MRPS9: variants seen among roughly 807,000 people sequenced by gnomAD.
The protein encoded by MRPS9 is small ribosomal subunit protein uS9m.
MRPS9 carries 45 observed loss-of-function variants against 59.9 expected under a neutral mutation model. The ratio of observed to expected loss-of-function variants is 0.75; its 90% CI spans 0.59 to 0.96. The LOEUF (loss-of-function observed/expected upper bound fraction) is 0.96. Ranked by LOEUF, MRPS9 falls within the 40% of genes least tolerant of loss-of-function variation. MRPS9 has a pLI of 0.00. For synonymous variants in MRPS9, 171 were observed against 166.8 expected, an observed-to-expected ratio of 1.03 and a Z score of -0.19; for missense variants, 473 against 481.1, an observed-to-expected ratio of 0.98 and a Z score of 0.16.
intron 5 of MRPS9, among the ~76,000 whole-genome samples, chr2:105,086,187 T>C (rs1243227609): frequency 6.6e-6 from 1 of 152,224 alleles, no homozygotes; most frequent in East Asian, 1.9e-4. Flanking sequence ...GTACTTTACA[T>C]ATATTTTCCT....
intron 2 of MRPS9, among the ~76,000 whole-genome samples, chr2:105,050,906 T>C (rs986059698): frequency 1.3e-5 from 2 of 152,202 alleles, no homozygotes; most frequent in African/African-American, 2.4e-5. Context: ...TTTATCTACA[T>C]TGTGGCATGT....
chr2:105,052,027 C>T (rs1245772467), intron 2 of MRPS9, among the ~76,000 whole-genome samples: 1 of 152,064 alleles, frequency 6.6e-6, no homozygotes, highest in African/African-American at 2.4e-5. Flanking sequence ...CCCAAAGAAT[C>T]CACTAAAAAC....
chr2:105,092,886 T>C (rs532626379), intron 8 of MRPS9, among the ~76,000 whole-genome samples: 1 of 152,318 alleles, frequency 6.6e-6, no homozygotes, highest in African/African-American at 2.4e-5. Context: ...TAATAAAGTT[T>C]TCTTTGCAAA....
At chr2:105,052,960 A>C (rs1679738730) in intron 2 of MRPS9, among the ~76,000 whole-genome samples, 1 of 152,050 alleles carries the variant, frequency 6.6e-6, no homozygotes, top group Admixed American at 6.6e-5. Flanking sequence ...AGGTCTTGCT[A>C]TTTTGTTGGC....
intron 2 of MRPS9, among the ~76,000 whole-genome samples, chr2:105,062,064 AG>A (rs1485212127): frequency 6.6e-6 from 1 of 152,200 alleles, no homozygotes; most frequent in Non-Finnish European, 1.5e-5. Flanking sequence ...ACAGACTACA[AG>A]AAGTCTGATT....
chr2:105,089,192 A>C, intron 6 of MRPS9, 123 bp downstream of exon 6: 1 of 609,540 alleles, frequency 1.6e-6, no homozygotes. Flanking sequence ...TTAAGCATTA[A>C]GGTTAGGGTT....
intron 4 of MRPS9, among the ~76,000 whole-genome samples, chr2:105,073,761 G>A (rs546648950): frequency 2.0e-5 from 3 of 152,274 alleles, no homozygotes; most frequent in East Asian, 3.9e-4. Flanking sequence ...CTTCAACGAA[G>A]CAAGAATGTT....
At chr2:105,073,782 G>A (rs1295515801) in intron 4 of MRPS9, among the ~76,000 whole-genome samples, 1 of 152,296 alleles carries the variant, frequency 6.6e-6, no homozygotes, top group African/African-American at 2.4e-5. Flanking sequence ...AATTTATGTT[G>A]ATAAAACCTA....
In MRPS9 at chr2:105,089,310, A is replaced by T. The variant is rs540295855; in HGVS notation, c.575+241A>T. Among the ~76,000 whole-genome samples, 3 of 152,318 alleles carry T rather than the reference A, an allele frequency of 2.0e-5. No individual in the cohort carries two copies. In the South Asian group the frequency reaches 6.2e-4, roughly 32 times the overall value. On this transcript the variant is annotated intron_variant, in intron 6 of 10. Transcript: ENST00000258455. Reference sequence around the variant, plus strand: ...TAGAATATTTAATTACTATACCTGGATATGATGTCCTCAGAATTTTTATGT... The same window carrying T: ...TAGAATATTTAATTACTATACCTGGTTATGATGTCCTCAGAATTTTTATGT...
Position 105,099,772 on chromosome 2 carries a change from C to T in MRPS9, c.*11C>T. 6.2e-7 allele frequency: 1 copy of T among 1,613,546 alleles called. No individual in the cohort carries two copies. The highest frequency in any genetic ancestry group is 8.5e-7 in the Non-Finnish European group (1 of 1,179,722). On this transcript the variant is annotated 3_prime_UTR_variant, in exon 11 of 11. Transcript: ENST00000258455. ...TGGAAGAAACGCTAAGGGTTTGCTCCCAGGAAAGGAGAGGAAGAGCTATAT... is the reference window on the plus strand; with the variant it reads ...TGGAAGAAACGCTAAGGGTTTGCTCTCAGGAAAGGAGAGGAAGAGCTATAT...
intron 5 of MRPS9, among the ~76,000 whole-genome samples, chr2:105,082,911 C>T (rs1573442804): frequency 1.3e-5 from 2 of 151,996 alleles, no homozygotes; most frequent in East Asian, 3.9e-4. Flanking sequence ...AAGTATAAAA[C>T]CATAGTAACA....
chr2:105,063,725 T>C (rs1425461148), intron 2 of MRPS9, among the ~76,000 whole-genome samples: 1 of 152,140 alleles, frequency 6.6e-6, no homozygotes, highest in East Asian at 1.9e-4. Flanking sequence ...TAGCAGGAGG[T>C]AGAAAATTTT....
intron 4 of MRPS9, among the ~76,000 whole-genome samples, chr2:105,071,921 A>T (rs1354691483): frequency 6.6e-6 from 1 of 152,102 alleles, no homozygotes; most frequent in Non-Finnish European, 1.5e-5. Context: ...CATAGTTTCT[A>T]ATGAGCAATT....
chr2:105,079,229 C>T (rs148164869), intron 4 of MRPS9, among the ~76,000 whole-genome samples: 143 of 152,284 alleles, frequency 9.4e-4, no homozygotes, highest in African/African-American at 2.9e-3. Flanking sequence ...AAATAGTTTA[C>T]AACTTCTGTA....
chr2:105,068,880 G>T (rs1680052280), intron 2 of MRPS9, among the ~76,000 whole-genome samples: 1 of 152,086 alleles, frequency 6.6e-6, no homozygotes, highest in East Asian at 1.9e-4. Context: ...TCAGTATTTT[G>T]TTCTCATAAA....
intron 2 of MRPS9, among the ~76,000 whole-genome samples, chr2:105,064,029 A>T (rs893248310): frequency 6.6e-6 from 1 of 152,230 alleles, no homozygotes; most frequent in African/African-American, 2.4e-5. Context: ...TGCTGTTTGG[A>T]TACATAAAGG....
Position 105,091,440 on chromosome 2 carries a change from G to T in MRPS9, c.652-961G>T, listed in dbSNP as rs1282961890. 1.9e-5 allele frequency: 9 copies of T among 469,944 alleles called. No individual in the cohort carries two copies. In the East Asian group the frequency reaches 6.3e-4, roughly 33 times the overall value. The allele number at this position is 469,944 out of a possible 1,614,324, so 29.1% of individuals were successfully genotyped here. A position where few individuals can be genotyped will look rare whatever the true frequency, so the allele number is the denominator to read the frequency against. ...TGCCCACCCAATATCCTAGGTAGCT[G>T]AGTATTTCACCCTTACTAGAAGAGT... On this transcript the variant is annotated intron_variant, in intron 7 of 10. Transcript: ENST00000258455.
At chr2:105,071,177 C>G in intron 2 of MRPS9, 136 bp from the exon 3 acceptor site, 1 of 628,166 alleles carries the variant, frequency 1.6e-6, no homozygotes, top group Non-Finnish European at 2.7e-6. Context: ...TTTATCATCC[C>G]ATTGAAACAT....
intron 9 of MRPS9, among the ~76,000 whole-genome samples, chr2:105,096,263 T>C (rs1034825433): frequency 2.0e-5 from 3 of 152,160 alleles, no homozygotes; most frequent in African/African-American, 7.2e-5. Flanking sequence ...AACTGTGTTA[T>C]ATAAACTTGA....
Sources: allele counts gnomAD v4.1 joint callset (sites outside exome capture counted in the v4.1 genomes callset), GRCh38; gene constraint gnomAD v4.1.1; transcripts MANE v1.5; gene names NCBI Gene and HGNC (gene_info 2026-07-23, HGNC 2026-07-21).